Variants in EVI5 observed in about 807,000 individuals in gnomAD.
EVI5 encodes ecotropic viral integration site 5 protein homolog.
Under a neutral mutation model 112.0 loss-of-function variants are expected in EVI5, and 73 were observed. The ratio of observed to expected loss-of-function variants is 0.65; its 90% CI spans 0.54 to 0.79. EVI5 has a LOEUF of 0.79. Ranked by LOEUF, EVI5 falls within the 30% of genes least tolerant of loss-of-function variation. EVI5 has a pLI of 0.00. For synonymous variants in EVI5, 305 were observed against 319.9 expected, an observed-to-expected ratio of 0.95 and a Z score of 0.50; for missense variants, 900 against 968.8, an observed-to-expected ratio of 0.93 and a Z score of 0.94.
At chr1:92,774,129 A>G (rs1683812243) in intron 1 of EVI5, 2 of 152,184 alleles carry the variant, frequency 1.3e-5, no homozygotes, top group African/African-American at 4.8e-5. Flanking sequence ...AAAACTGCAG[A>G]TAAGGGAGGA....
chr1:92,519,912 A>AG (rs910084485), intron 19 of EVI5, among the ~76,000 whole-genome samples: 1 of 151,702 alleles, frequency 6.6e-6, no homozygotes, highest in African/African-American at 2.4e-5. Context: ...AAAAAAAAAA[A>AG]AAAGAATATG....
chr1:92,691,888 T>C (rs978375850), intron 9 of EVI5, among the ~76,000 whole-genome samples: 1 of 152,138 alleles, frequency 6.6e-6, no homozygotes, highest in African/African-American at 2.4e-5. Context: ...GAGTTACATA[T>C]AGCAAAAAGG....
intron 11 of EVI5, among the ~76,000 whole-genome samples, chr1:92,664,878 T>C (rs1283682205): frequency 1.3e-5 from 2 of 152,194 alleles, no homozygotes; most frequent in Non-Finnish European, 2.9e-5. Flanking sequence ...ATGAGGGGTA[T>C]GTTTAAATCT....
intron 16 of EVI5, among the ~76,000 whole-genome samples, chr1:92,616,055 T>C (rs941529547): frequency 1.3e-5 from 2 of 152,174 alleles, no homozygotes; most frequent in Non-Finnish European, 2.9e-5. Flanking sequence ...TTTGCTTGGT[T>C]AGTTGAAAGA....
At chr1:92,527,414 C>CAAAAAAAAAAAAAAAAAGAAAAGAA (rs1662074900) in intron 19 of EVI5, among the ~76,000 whole-genome samples, 1 of 18,676 alleles carries the variant, frequency 5.4e-5, no homozygotes, top group Non-Finnish European at 1.1e-4. Flanking sequence ...GACACTGTCT[C>CAAAAAAAAAAAAAAAAAGAAAAGAA]AAAAAAAAAA....
intron 16 of EVI5, among the ~76,000 whole-genome samples, chr1:92,615,736 C>T (rs1294347421): frequency 1.3e-5 from 2 of 152,084 alleles, no homozygotes; most frequent in East Asian, 1.9e-4. Context: ...GTTGATTCTC[C>T]TCAGGAGCCA....
At chr1:92,682,463 T>C (rs1159952477) in intron 9 of EVI5, among the ~76,000 whole-genome samples, 2 of 152,160 alleles carry the variant, frequency 1.3e-5, no homozygotes, top group Non-Finnish European at 2.9e-5. Context: ...CCCTAGCAAT[T>C]AGAAACAACA....
At chr1:92,526,338 C>T (rs1444988367) in intron 19 of EVI5, among the ~76,000 whole-genome samples, 1 of 152,218 alleles carries the variant, frequency 6.6e-6, no homozygotes, top group Non-Finnish European at 1.5e-5. Context: ...GGATTACAGG[C>T]ATAAGCCGCC....
chr1:92,509,184 T>A lies in EVI5; in HGVS notation c.*4472A>T, dbSNP rs199962393. The A allele has an allele frequency of 1.3e-5, 2 of 152,556 alleles. No homozygotes were observed. Among genetic ancestry groups the A allele is most frequent in the African/African-American group, 2.4e-5 (1 of 41,436 alleles). 9.5% of individuals were successfully genotyped at this position (152,556 alleles called of 1,614,324 possible). Reference sequence around the variant, plus strand: ...TAAACCTGAATATTACAGTACATTATATAAAAGATAAATGAGAATAAGGAA... The same window carrying A: ...TAAACCTGAATATTACAGTACATTAAATAAAAGATAAATGAGAATAAGGAA... On this transcript the variant is annotated 3_prime_UTR_variant, in exon 20 of 20. Coordinates refer to ENST00000684568, the MANE Select transcript of EVI5 (RefSeq NM_001350197.2).
At chr1:92,620,173 C>T (rs1571926342) in intron 16 of EVI5, among the ~76,000 whole-genome samples, 1 of 151,904 alleles carries the variant, frequency 6.6e-6, no homozygotes. Flanking sequence ...GGAGAAACCC[C>T]GTCTCTACTA....
chr1:92,624,139 T>C, intron 16 of EVI5, 37 bp downstream of exon 16: 1 of 1,548,996 alleles, frequency 6.5e-7, no homozygotes, highest in Non-Finnish European at 8.9e-7. Flanking sequence ...GATCAGCTAA[T>C]GATACTTTTT....
intron 2 of EVI5, among the ~76,000 whole-genome samples, chr1:92,735,548 T>C (rs560846063): frequency 6.7e-6 from 1 of 149,382 alleles, no homozygotes; most frequent in East Asian, 1.9e-4. Context: ...TTATATAGCT[T>C]GACTGAGCAC....
intron 1 of EVI5, among the ~76,000 whole-genome samples, chr1:92,746,060 T>C (rs1679207525): frequency 1.3e-5 from 2 of 152,190 alleles, no homozygotes; most frequent in Admixed American, 1.3e-4. Flanking sequence ...TCTCAATCAA[T>C]CACAGCAACC....
intron 5 of EVI5, among the ~76,000 whole-genome samples, chr1:92,698,202 A>G (rs1231436498): frequency 1.3e-5 from 2 of 152,180 alleles, no homozygotes; most frequent in Non-Finnish European, 2.9e-5. Context: ...TCTGAAACCA[A>G]CTGCCTCAAC....
chr1:92,756,243 C>G, intron 1 of EVI5: 1 of 429,020 alleles, frequency 2.3e-6, no homozygotes, highest in Non-Finnish European at 4.7e-6. Context: ...CGCCTTCCAA[C>G]AGCTGCCCAT....
intron 14 of EVI5, among the ~76,000 whole-genome samples, chr1:92,630,978 T>C (rs1009931937): frequency 2.0e-5 from 3 of 152,220 alleles, no homozygotes; most frequent in Non-Finnish European, 4.4e-5. Flanking sequence ...CAGATAGTTG[T>C]AGATATGTGG....
At chr1:92,658,763 G>C (rs1454740818) in intron 13 of EVI5, among the ~76,000 whole-genome samples, 1 of 151,922 alleles carries the variant, frequency 6.6e-6, no homozygotes, top group African/African-American at 2.4e-5. Flanking sequence ...GAAAGACCCA[G>C]AACAGCCAAA....
At chr1:92,763,236 T>C (rs570058403) in intron 1 of EVI5, among the ~76,000 whole-genome samples, 1 of 152,276 alleles carries the variant, frequency 6.6e-6, no homozygotes, top group Admixed American at 6.5e-5. Context: ...ACCACTGCAC[T>C]TGGCCTGGGC....
chr1:92,615,638 C>T (rs544728801), intron 16 of EVI5, among the ~76,000 whole-genome samples: 1 of 152,256 alleles, frequency 6.6e-6, no homozygotes, highest in East Asian at 1.9e-4. Flanking sequence ...TGCCATCAGC[C>T]TTTCTGCCTT....
Sources: allele counts gnomAD v4.1 joint callset (sites outside exome capture counted in the v4.1 genomes callset), GRCh38; gene constraint gnomAD v4.1.1; transcripts MANE v1.5; gene names NCBI Gene and HGNC (gene_info 2026-07-23, HGNC 2026-07-21).